The following ZNF839 variants were observed in gnomAD, a reference collection of about 807,000 sequenced individuals.
The protein encoded by ZNF839 is renal carcinoma antigen NY-REN-50.
Under a neutral mutation model 56.4 loss-of-function variants are expected in ZNF839, and 38 were observed. The ratio of observed to expected loss-of-function variants is 0.67; its 90% CI spans 0.52 to 0.88. The LOEUF is 0.88. ZNF839 is among the 40% of genes least tolerant of loss of function. The probability of loss-of-function intolerance (pLI) is 0.00; values close to 1 mark genes in which losing one functional copy is unlikely to be tolerated. For missense variants in ZNF839, 1,091 were observed against 1,177.6 expected, an observed-to-expected ratio of 0.93 and a Z score of 1.08; for synonymous variants, 486 against 493.5, an observed-to-expected ratio of 0.98 and a Z score of 0.20.
intron 3 of ZNF839, 144 bp downstream of exon 3, chr14:102,331,990 G>C (rs2073807931): frequency 1.4e-6 from 1 of 701,978 alleles, no homozygotes; most frequent in Non-Finnish European, 2.3e-6. Flanking sequence ...AGTAATATCT[G>C]AACTAATTCG....
intron 3 of ZNF839, among the ~76,000 whole-genome samples, chr14:102,333,189 G>A (rs1391964023): frequency 2.0e-5 from 3 of 151,564 alleles, no homozygotes; most frequent in Non-Finnish European, 2.9e-5. Context: ...GAGCATCTGT[G>A]GCCCTCCTCT....
intron 7 of ZNF839, 25 bp downstream of exon 7, chr14:102,339,248 G>T: frequency 6.2e-7 from 1 of 1,604,856 alleles, no homozygotes. Context: ...CTGTTTGTGG[G>T]GTGTATCCAT....
Position 102,331,632 on chromosome 14 carries a change from C to T in ZNF839, c.1202C>T (p.Ser401Phe). Reference sequence around the variant, plus strand: ...TGCAACACTGTCTAGAATGGTCAGTCTGTAGACGTTGAAGAGACATTGCCA... The same window carrying T: ...TGCAACACTGTCTAGAATGGTCAGTTTGTAGACGTTGAAGAGACATTGCCA... ...SARGGLQNGQSVDVEETLPSE... is the reference protein window; with the variant it reads ...SARGGLQNGQFVDVEETLPSE... Residue 401 changes from serine to phenylalanine, a missense_variant, in exon 3 of 8, where the codon TCT (serine) becomes TTT (phenylalanine). Transcript: ENST00000442396. 6.2e-7 allele frequency: 1 copy of T among 1,610,320 alleles called. No homozygotes were observed. Among genetic ancestry groups the T allele is most frequent in the Non-Finnish European group, 8.5e-7 (1 of 1,178,168 alleles).
intron 2 of ZNF839, among the ~76,000 whole-genome samples, chr14:102,330,132 G>A (rs951129156): frequency 6.6e-6 from 1 of 151,982 alleles, no homozygotes; most frequent in African/African-American, 2.4e-5. Context: ...GTTTTGGCAG[G>A]TTTTGTGTAT....
At chr14:102,321,388 C>T (rs1426518321) in intron 1 of ZNF839, among the ~76,000 whole-genome samples, 2 of 152,206 alleles carry the variant, frequency 1.3e-5, no homozygotes, top group Non-Finnish European at 2.9e-5. Context: ...CTCACCATAC[C>T]CTGCTGAATA....
intron 5 of ZNF839, chr14:102,336,681 A>G: frequency 2.3e-6 from 1 of 427,406 alleles, no homozygotes; most frequent in Non-Finnish European, 4.6e-6. Flanking sequence ...AAAACACCAT[A>G]ATCTTCCCAC....
chr14:102,326,598 T>C lies in ZNF839; in HGVS notation c.902T>C (p.Phe301Ser), dbSNP rs763761806. The stretch of plus-strand genomic sequence containing the variant: ...GATCAGAGGGAGAGGCACGCACTCT[T>C]TGACTTATCGAGCTGCTCCCTGAGG... Reference protein sequence around the residue: ...DEDQRERHALFDLSSCSLRPK... With the variant: ...DEDQRERHALSDLSSCSLRPK... Residue 301 changes from phenylalanine (F) to serine (S), a missense_variant, in exon 2 of 8, where the codon TTT becomes TCT. Phe to Ser is a radical substitution (Grantham distance 155). This residue lies in a region of ZNF839 where 614 missense variants were observed against 629.2 expected (regional missense o/e 0.98). Coordinates refer to ENST00000442396, the MANE Select transcript of ZNF839 (RefSeq NM_018335.6). The surrounding 1 kb of genome is among the most constrained non-coding windows in gnomAD (Gnocchi z 4.3). 1.2e-6 allele frequency: 2 copies of C among 1,613,832 alleles called. No individual in the cohort carries two copies. The highest frequency in any genetic ancestry group is 1.7e-6 in the Non-Finnish European group (2 of 1,179,828).
chr14:102,330,265 T>G (rs2073708702), intron 2 of ZNF839, among the ~76,000 whole-genome samples: 1 of 151,308 alleles, frequency 6.6e-6, no homozygotes, highest in Admixed American at 6.6e-5. Flanking sequence ...GGAGGTTTGC[T>G]CTTGTTGCCC....
Position 102,331,717 on chromosome 14 carries a change from C to T in ZNF839, c.1287C>T (p.Arg429=), listed in dbSNP as rs766689468. Residue 429 remains arginine (R), a synonymous_variant, in exon 3 of 8, where the codon CGC becomes CGT. Coordinates refer to ENST00000442396, the MANE Select transcript of ZNF839 (RefSeq NM_018335.6). ...RSERYQGPRR[R]ACSETLAESR... ...AGAGATACCAAGGACCTAGAAGACG[C>T]GCATGCTCAGAGACCCTTGCAGAGT... 7.5e-6 allele frequency: 12 copies of T among 1,609,700 alleles called. No individual in the cohort carries two copies. The East Asian group carries it at 1.8e-4, about 24-fold the overall frequency.
At position 102,326,225 on chromosome 14, in the gene ZNF839, T is replaced by C; in HGVS notation, c.529T>C (p.Phe177Leu). The C allele has an allele frequency of 6.2e-7, 1 of 1,613,830 alleles. No homozygotes were observed. Among genetic ancestry groups the C allele is most frequent in the Non-Finnish European group, 8.5e-7 (1 of 1,179,854 alleles). ...SDLCQPPAQG[F>L]VQRPLPALQV... ...CTTATGCCAACCTCCTGCTCAGGGGTTTGTACAGAGACCACTGCCAGCCCT... is the reference window on the plus strand; with the variant it reads ...CTTATGCCAACCTCCTGCTCAGGGGCTTGTACAGAGACCACTGCCAGCCCT... Residue 177 changes from phenylalanine to leucine, a missense_variant, in exon 2 of 8, where the codon TTT becomes CTT. By Grantham distance (22) the Phe-to-Leu change is conservative. Around this residue, in one of 3 missense-constraint regions of ZNF839, gnomAD observed 614 missense variants for 629.2 expected, o/e 0.98. Coordinates refer to ENST00000442396, the MANE Select transcript of ZNF839 (RefSeq NM_018335.6). This position sits in a 1 kb window ranked among gnomAD's most constrained non-coding sequence, Gnocchi z 4.3.
In ZNF839 at chr14:102,326,957, G is replaced by A; in HGVS notation, c.1191+70G>A. On this transcript the variant is annotated intron_variant, in intron 2 of 7. Transcript: ENST00000442396. This position sits in a 1 kb window ranked among gnomAD's most constrained non-coding sequence, Gnocchi z 4.3. ...CGGATTGCTATAAAGAAATACCTGA[G>A]ACCAGGTATTTTATAAAGAAAAGAG... is the stretch of plus-strand genomic sequence containing the variant. The A allele has an allele frequency of 7.1e-7, 1 of 1,400,742 alleles. No homozygotes were observed. Among genetic ancestry groups the A allele is most frequent in the Non-Finnish European group, 9.5e-7 (1 of 1,054,182 alleles). 86.8% of individuals were successfully genotyped at this position (1,400,742 alleles called of 1,614,324 possible).
chr14:102,335,605 G>A (rs2073979891), intron 4 of ZNF839, 84 bp from the exon 5 acceptor site: 5 of 1,430,216 alleles, frequency 3.5e-6, no homozygotes, highest in East Asian at 4.9e-5. Context: ...TTAAGGAACC[G>A]AAACTTTGTT....
intron 1 of ZNF839, among the ~76,000 whole-genome samples, chr14:102,320,741 A>G (rs568348331): frequency 6.6e-6 from 1 of 152,332 alleles, no homozygotes; most frequent in Admixed American, 6.5e-5. Flanking sequence ...TGTATACTAC[A>G]AAACATCCTT....
chr14:102,323,296 G>C (rs1277797848), intron 1 of ZNF839, among the ~76,000 whole-genome samples: 1 of 152,266 alleles, frequency 6.6e-6, no homozygotes, highest in Non-Finnish European at 1.5e-5. Flanking sequence ...AGCCACCCAT[G>C]TCAAAGGATT....
In ZNF839 at chr14:102,332,123, A is replaced by G. The variant is rs71415890; in HGVS notation, c.1416+277A>G. Among the ~76,000 whole-genome samples the G allele has an allele frequency of 0.11, 16,580 of 152,160 alleles. 1,209 individuals carry two copies. The highest frequency in any genetic ancestry group is 0.21 in the African/African-American group (8,728 of 41,486). On this transcript the variant is annotated intron_variant, in intron 3 of 7. Transcript: ENST00000442396. The surrounding 1 kb of genome is among the most constrained non-coding windows in gnomAD (Gnocchi z 4.9). ...TGGAAGCAGTTTAGAAAACAACGGA[A>G]GTGGTTTTCAAAACCATTCTTTTTT...
chr14:102,340,761 T>C (rs950532264), intron 7 of ZNF839, among the ~76,000 whole-genome samples: 2 of 152,148 alleles, frequency 1.3e-5, no homozygotes, highest in Non-Finnish European at 2.9e-5. Flanking sequence ...TCACCAATCA[T>C]TCATTCAGTA....
At chr14:102,328,055 T>C (rs2073513713) in intron 2 of ZNF839, among the ~76,000 whole-genome samples, 1 of 151,882 alleles carries the variant, frequency 6.6e-6, no homozygotes, top group Non-Finnish European at 1.5e-5. Context: ...AAAAATTTTT[T>C]TCTAAAATAT....
intron 7 of ZNF839, chr14:102,341,004 G>A (rs1886444306): frequency 5.9e-6 from 1 of 170,296 alleles, no homozygotes; most frequent in Non-Finnish European, 1.2e-5. Context: ...AGGAGGTGGA[G>A]GCTGCAGTGA....
rs1383194224 is a variant in ZNF839 at position 102,342,350 on chromosome 14, A to G, written c.*171A>G. 2 of 758,266 alleles carry G rather than the reference A, an allele frequency of 2.6e-6. No homozygotes were observed. Among genetic ancestry groups the G allele is most frequent in the East Asian group, 2.8e-5 (1 of 35,640 alleles). The allele number at this position is 758,266 out of a possible 1,614,324, so 47.0% of individuals were successfully genotyped here. A position where few individuals can be genotyped will look rare whatever the true frequency, so the allele number is the denominator to read the frequency against. ...GCACAGATGAACCTTTTATTTATAA[A>G]GAATAATGTCTTTCTGCCCTGCTGT... On this transcript the variant is annotated 3_prime_UTR_variant, in exon 8 of 8. Coordinates refer to ENST00000442396, the MANE Select transcript of ZNF839 (RefSeq NM_018335.6).
Sources: allele counts gnomAD v4.1 joint callset (sites outside exome capture counted in the v4.1 genomes callset), GRCh38; gene constraint gnomAD v4.1.1; regional missense constraint gnomAD v4.1.1; non-coding constraint Gnocchi (gnomAD v3.1); transcripts MANE v1.5; gene names NCBI Gene and HGNC (gene_info 2026-07-23, HGNC 2026-07-21).